The following SCAMP1 variants were observed in gnomAD, a reference collection of about 807,000 sequenced individuals.
The protein encoded by SCAMP1 is secretory carrier-associated membrane protein 1.
SCAMP1 carries 15 observed loss-of-function variants against 41.8 expected under a neutral mutation model. The observed-to-expected ratio is 0.36, with a 90% CI of 0.24 to 0.55. The LOEUF (loss-of-function observed/expected upper bound fraction) is 0.55. SCAMP1 is among the 20% of genes least tolerant of loss of function. The pLI, the probability that SCAMP1 is intolerant of heterozygous loss-of-function variation, is 0.86. For synonymous variants in SCAMP1, 135 were observed against 136.8 expected, an observed-to-expected ratio of 0.99 and a Z score of 0.09; for missense variants, 341 against 412.6, an observed-to-expected ratio of 0.83 and a Z score of 1.50.
intron 1 of SCAMP1, among the ~76,000 whole-genome samples, chr5:78,379,481 CATGCTTTA>C (rs1475483935): frequency 6.6e-6 from 1 of 152,124 alleles, no homozygotes; most frequent in Non-Finnish European, 1.5e-5. Flanking sequence ...ATATTGTGTA[CATGCTTTA>C]ATGCTTTGTC....
At chr5:78,449,763 ATGT>A (rs1031926364) in intron 6 of SCAMP1, among the ~76,000 whole-genome samples, 167 bp from the exon 7 acceptor site, 1 of 152,154 alleles carries the variant, frequency 6.6e-6, no homozygotes, top group Non-Finnish European at 1.5e-5. Flanking sequence ...AGTTATTACA[ATGT>A]TGTTAACTTG....
At chr5:78,459,839 T>A (rs901486102) in intron 8 of SCAMP1, among the ~76,000 whole-genome samples, 1 of 152,090 alleles carries the variant, frequency 6.6e-6, no homozygotes, top group Admixed American at 6.6e-5. Context: ...AATGCTGGGG[T>A]TTGGGCTTCT....
intron 4 of SCAMP1, 92 bp from the exon 5 acceptor site, chr5:78,418,678 TTAACA>T (rs1752265832): frequency 1.3e-6 from 1 of 775,010 alleles, no homozygotes; most frequent in Non-Finnish European, 2.0e-6. Flanking sequence ...TGAACTTTTG[TTAACA>T]TAATAGAGTT....
intron 2 of SCAMP1, among the ~76,000 whole-genome samples, chr5:78,413,859 A>C (rs546365582): frequency 6.6e-6 from 1 of 152,164 alleles, no homozygotes; most frequent in Admixed American, 6.5e-5. Context: ...TTCTGGTTTT[A>C]ATAGTTCTTA....
chr5:78,453,330 A>C (rs1024644669), intron 7 of SCAMP1, among the ~76,000 whole-genome samples: 2 of 148,746 alleles, frequency 1.3e-5, no homozygotes, highest in Admixed American at 6.7e-5. Context: ...TCTAACGTTT[A>C]AGTCTTTAAT....
At chr5:78,378,646 A>C (rs922953707) in intron 1 of SCAMP1, among the ~76,000 whole-genome samples, 7 of 152,226 alleles carry the variant, frequency 4.6e-5, no homozygotes, top group African/African-American at 1.7e-4. Context: ...TAACACTGTA[A>C]AGTTAAGTGG....
intron 6 of SCAMP1, among the ~76,000 whole-genome samples, chr5:78,424,896 A>C (rs17801606): frequency 0.015 from 2,246 of 152,348 alleles, 25 homozygotes; most frequent in Non-Finnish European, 0.019. Context: ...GAGTATTTGC[A>C]TAATGCTTAG....
At chr5:78,366,713 T>C (rs1199292876) in intron 1 of SCAMP1, among the ~76,000 whole-genome samples, 2 of 152,124 alleles carry the variant, frequency 1.3e-5, no homozygotes, top group Admixed American at 6.5e-5. Flanking sequence ...AGGCTGAGCT[T>C]GATAGCTCAT....
chr5:78,438,377 T>C (rs1310203871), intron 6 of SCAMP1, among the ~76,000 whole-genome samples: 1 of 152,264 alleles, frequency 6.6e-6, no homozygotes, highest in Non-Finnish European at 1.5e-5. Context: ...CTCTACACAC[T>C]GCTTTAAATG....
intron 1 of SCAMP1, among the ~76,000 whole-genome samples, chr5:78,379,003 A>G (rs6872321): frequency 0.28 from 42,925 of 152,114 alleles, 6,375 homozygotes; most frequent in East Asian, 0.54. Flanking sequence ...AACCACAGCC[A>G]AAGAAGAAAC....
chr5:78,417,198 C>G (rs1752231725), intron 4 of SCAMP1, among the ~76,000 whole-genome samples: 1 of 152,164 alleles, frequency 6.6e-6, no homozygotes, highest in Non-Finnish European at 1.5e-5. Flanking sequence ...TTAGGGAAAG[C>G]TAGCAGTCTC....
intron 6 of SCAMP1, among the ~76,000 whole-genome samples, chr5:78,448,723 G>C (rs534322370): frequency 6.6e-6 from 1 of 152,338 alleles, no homozygotes; most frequent in East Asian, 1.9e-4. Flanking sequence ...CAACCAGGCT[G>C]GGCACAGTGG....
intron 5 of SCAMP1, among the ~76,000 whole-genome samples, chr5:78,421,162 A>G (rs1444078232): frequency 2.0e-5 from 3 of 152,290 alleles, no homozygotes; most frequent in Admixed American, 2.0e-4. Context: ...GTCAACATCT[A>G]TTTGTGTTAA....
chr5:78,388,482 A>T (rs1297415970), intron 1 of SCAMP1, among the ~76,000 whole-genome samples: 2 of 152,200 alleles, frequency 1.3e-5, no homozygotes, highest in Non-Finnish European at 2.9e-5. Flanking sequence ...AAAAGGGGGA[A>T]CGTGAACTCT....
At chr5:78,373,342 G>A (rs1456566613) in intron 1 of SCAMP1, among the ~76,000 whole-genome samples, 1 of 151,994 alleles carries the variant, frequency 6.6e-6, no homozygotes, top group Admixed American at 6.6e-5. Context: ...CAAGCTTTGG[G>A]AATACATTAA....
At chr5:78,417,428 G>C (rs1580678465) in intron 4 of SCAMP1, among the ~76,000 whole-genome samples, 1 of 152,246 alleles carries the variant, frequency 6.6e-6, no homozygotes, top group Middle Eastern at 3.4e-3. Flanking sequence ...AGTTGAACTG[G>C]GACCAATGTT....
chr5:78,425,503 A>T (rs1336491478), intron 6 of SCAMP1, among the ~76,000 whole-genome samples: 3 of 152,174 alleles, frequency 2.0e-5, no homozygotes, highest in Non-Finnish European at 4.4e-5. Flanking sequence ...GAATATTTTT[A>T]AAAGTATTTT....
chr5:78,470,434 C>T (rs747107040), intron 8 of SCAMP1, among the ~76,000 whole-genome samples: 1 of 152,124 alleles, frequency 6.6e-6, no homozygotes, highest in Non-Finnish European at 1.5e-5. Context: ...TCCTTTTGTA[C>T]TTGGCTTCTT....
intron 1 of SCAMP1, among the ~76,000 whole-genome samples, chr5:78,377,745 CT>C (rs1751102261): frequency 6.6e-6 from 1 of 152,106 alleles, no homozygotes; most frequent in African/African-American, 2.4e-5. Context: ...CCTTAACTTA[CT>C]GTTGGTGGTA....
Sources: gnomAD v4.1 joint callset for allele counts (sites outside exome capture counted in the v4.1 genomes callset) on GRCh38, gnomAD v4.1.1 for gene constraint, MANE v1.5 for transcripts, NCBI Gene and HGNC (gene_info 2026-07-23, HGNC 2026-07-21) for gene names.